The following MMP8 variants were observed in gnomAD, a reference collection of about 807,000 sequenced individuals.
The protein encoded by MMP8 is matrix metallopeptidase 8.
MMP8 carries 67 observed loss-of-function variants against 51.2 expected under a neutral mutation model. That is an observed-to-expected ratio of 1.31 (90% CI 1.08 to 1.60). The LOEUF (loss-of-function observed/expected upper bound fraction) is 1.60, where lower values mean the gene tolerates loss of function less well. Ranked by LOEUF, MMP8 falls within the 40% of genes most tolerant of loss-of-function variation. The pLI, the probability that MMP8 is intolerant of heterozygous loss-of-function variation, is 0.00. For missense variants in MMP8, 654 were observed against 558.1 expected (o/e 1.17, Z -1.73); for synonymous variants, 225 against 191.0 (o/e 1.18, Z -1.47).
intron 4 of MMP8, among the ~76,000 whole-genome samples, chr11:102,719,481 TAACAATA>T (rs1470340870): frequency 1.3e-5 from 2 of 150,072 alleles, no homozygotes; most frequent in East Asian, 3.8e-4. Context: ...GAAGTTTTAT[TAACAATA>T]TTTTTATAGT....
Position 102,713,753 on chromosome 11 carries a change from C to T in MMP8, c.1294+1G>A, listed in dbSNP as rs141116762. The T allele has an allele frequency of 1.1e-3, 1,756 of 1,593,014 alleles. 2 individuals are homozygous for T. The highest frequency in any genetic ancestry group is 1.4e-3 in the Non-Finnish European group (1,598 of 1,169,234). On this transcript the variant is annotated splice_donor_variant, in intron 9 of 9. Coordinates refer to ENST00000236826, the MANE Select transcript of MMP8 (RefSeq NM_002424.3). LOFTEE classifies it high-confidence loss of function. ...TTATTAGGTTTTTTTTTCCTACTTA[C>T]GTTCTTGCTGGAAAACTGCATCAAC...
At position 102,716,373 on chromosome 11, in the gene MMP8, T is replaced by A. The variant is rs1420639266; in HGVS notation, c.831A>T (p.Lys277Asn). The A allele has an allele frequency of 6.2e-7, 1 of 1,604,744 alleles. No individual in the cohort carries two copies. The change falls in exon 6 of 10, where the codon AAA becomes AAT. Residue 277 changes from lysine to asparagine, a missense_variant. Transcript: ENST00000236826. Reference sequence around the variant, plus strand: ...CAAATGTCAAACTGGGGTCACAGGGTTTGGGTGTGCTTGGTCCAGTAGGTT... The same window carrying A: ...CAAATGTCAAACTGGGGTCACAGGGATTGGGTGTGCTTGGTCCAGTAGGTT... ...PIQPTGPSTPKPCDPSLTFDA... is the reference protein window; with the variant it reads ...PIQPTGPSTPNPCDPSLTFDA...
chr11:102,721,149 C>A lies in MMP8; in HGVS notation c.622+252G>T, dbSNP rs34433762. On this transcript the variant is annotated intron_variant, in intron 4 of 9. Coordinates refer to ENST00000236826, the MANE Select transcript of MMP8 (RefSeq NM_002424.3). ...AGACAGGGGTCAGGCAGGATTTGGC[C>A]GTAGTCTGTATTTTCTGATCTCTGA... is the stretch of plus-strand genomic sequence containing the variant. 2.0e-5 allele frequency among the ~76,000 whole-genome samples: 3 copies of A among 151,944 alleles called. 1 individual carries two copies. The South Asian group carries it at 6.2e-4, about 31-fold the overall frequency.
chr11:102,712,558 C>T lies in MMP8; in HGVS notation c.*790G>A, dbSNP rs1861155930. On this transcript the variant is annotated 3_prime_UTR_variant, in exon 10 of 10. Coordinates refer to ENST00000236826, the MANE Select transcript of MMP8 (RefSeq NM_002424.3). ...TATTGGAGGGAATCCTTCCTTGCCT[C>T]TTCAAAGCTTCTACTGGTGGCTTAC... The T allele has an allele frequency of 6.6e-6, 1 of 152,214 alleles. No homozygotes were observed. The highest frequency in any genetic ancestry group is 2.4e-5 in the African/African-American group (1 of 41,428). The allele number at this position is 152,214 out of a possible 1,614,324, so 9.4% of individuals were successfully genotyped here. A position where few individuals can be genotyped will look rare whatever the true frequency, so the allele number is the denominator to read the frequency against.
At position 102,714,708 on chromosome 11, in the gene MMP8, G is replaced by A; in HGVS notation, c.1038C>T (p.Gly346=). The A allele has an allele frequency of 1.3e-6, 2 of 1,486,694 alleles. No individual in the cohort carries two copies. Among genetic ancestry groups the A allele is most frequent in the South Asian group, 2.9e-5 (2 of 68,860 alleles). 92.1% of individuals were successfully genotyped at this position (1,486,694 alleles called of 1,614,324 possible). A position where few individuals can be genotyped will look rare whatever the true frequency, so the allele number is the denominator to read the frequency against. The change falls in exon 8 of 10, where the codon GGC becomes GGT. Residue 346 remains glycine, a splice_region_variant and synonymous_variant. Coordinates refer to ENST00000236826, the MANE Select transcript of MMP8 (RefSeq NM_002424.3). ...AGCCACTCAGAGCCCAGTATTGGTTGCCTGTCAATGATTCAGGTTAAGTGT... is the reference window on the plus strand; with the variant it reads ...AGCCACTCAGAGCCCAGTATTGGTTACCTGTCAATGATTCAGGTTAAGTGT... ...FDRDLIFLFK[G]NQYWALSGYD...
intron 4 of MMP8, among the ~76,000 whole-genome samples, chr11:102,719,955 G>A (rs1315719692): frequency 6.6e-6 from 1 of 152,180 alleles, no homozygotes; most frequent in Admixed American, 6.5e-5. Flanking sequence ...ACATAGCATG[G>A]CAAGATGAGA....
intron 5 of MMP8, 40 bp from the exon 6 acceptor site, chr11:102,716,459 T>C: frequency 7.6e-7 from 1 of 1,316,774 alleles, no homozygotes; most frequent in Non-Finnish European, 1.1e-6. Flanking sequence ...GTCTTTCTTA[T>C]GAGAGTAAGT....
rs1370176873 is a variant in MMP8 at position 102,712,993 on chromosome 11, TTTTA to T, written c.*351_*354del. 5.4e-6 allele frequency: 1 copy of T among 186,398 alleles called. No individual in the cohort carries two copies. The allele number at this position is 186,398 out of a possible 1,614,324, so 11.5% of individuals were successfully genotyped here. ...GCATGTAGAAGATATACATAGGACATTTTAAGAAACTGAGGGATGTATGAAGTCA... is the reference window on the plus strand; with the variant it reads ...GCATGTAGAAGATATACATAGGACATAGAAACTGAGGGATGTATGAAGTCA... On this transcript the variant is annotated 3_prime_UTR_variant, in exon 10 of 10. Transcript: ENST00000236826.
In MMP8 at chr11:102,721,740, G is replaced by T. The variant is rs759927501; in HGVS notation, c.370C>A (p.Leu124Met). The T allele has an allele frequency of 1.2e-6, 2 of 1,613,736 alleles. No homozygotes were observed. Among genetic ancestry groups the T allele is most frequent in the Non-Finnish European group, 1.7e-6 (2 of 1,179,774 alleles). ...TYRIRNYTPQLSEAEVERAIK... is the reference protein window; with the variant it reads ...TYRIRNYTPQMSEAEVERAIK... Reference sequence around the variant, plus strand: ...GCTCTTTCTACCTCAGCCTCTGACAGCTGTGGGGTATAGTTTCGAATCCTT... The same window carrying T: ...GCTCTTTCTACCTCAGCCTCTGACATCTGTGGGGTATAGTTTCGAATCCTT... The change falls in exon 3 of 10, where the codon CTG becomes ATG. Residue 124 changes from leucine to methionine, a missense_variant. Leu to Met is a conservative substitution (Grantham distance 15). Coordinates refer to ENST00000236826, the MANE Select transcript of MMP8 (RefSeq NM_002424.3).
intron 8 of MMP8, 127 bp downstream of exon 8, chr11:102,714,429 A>G (rs1861218904): frequency 5.3e-6 from 3 of 565,666 alleles, no homozygotes; most frequent in African/African-American, 3.9e-5. Context: ...GTAAAAAAGA[A>G]TATATTCTCG....
chr11:102,719,107 C>T (rs1264332025), intron 4 of MMP8, among the ~76,000 whole-genome samples: 1 of 152,210 alleles, frequency 6.6e-6, no homozygotes, highest in Non-Finnish European at 1.5e-5. Flanking sequence ...CTAAGATGCT[C>T]TAGGAATTCT....
At chr11:102,721,828 G>A in intron 2 of MMP8, 66 bp from the exon 3 acceptor site, 1 of 1,561,036 alleles carries the variant, frequency 6.4e-7, no homozygotes, top group South Asian at 1.2e-5. Flanking sequence ...CAACTGATGA[G>A]TTGTTCTGTT....
In MMP8 at chr11:102,722,452, C is replaced by T. The variant is rs75576745; in HGVS notation, c.324G>A (p.Trp108Ter). Residue 108 changes from tryptophan (W) to a stop codon, truncating the protein, a stop_gained, in exon 2 of 10, where the codon TGG (tryptophan) becomes TGA (stop). Coordinates refer to ENST00000236826, the MANE Select transcript of MMP8 (RefSeq NM_002424.3). LOFTEE classifies it high-confidence loss of function. ...GFMLTPGNPK[W>*]ERTNLTYRIR... is the part of the protein sequence containing the mutation. ...ACCTGTAGGTCAAGTTAGTGCGTTC[C>T]CACTTGGGGTTTCCTGGGGTTAACA... 1.2e-6 allele frequency: 2 copies of T among 1,613,604 alleles called. No individual in the cohort carries two copies. The highest frequency in any genetic ancestry group is 8.5e-7 in the Non-Finnish European group (1 of 1,179,772).
intron 6 of MMP8, among the ~76,000 whole-genome samples, 159 bp downstream of exon 6, chr11:102,716,143 T>G (rs1861285374): frequency 6.6e-6 from 1 of 152,114 alleles, no homozygotes; most frequent in Non-Finnish European, 1.5e-5. Flanking sequence ...CAGGGGGCTA[T>G]GATAATCCTA....
chr11:102,711,947 A>T lies in MMP8; in HGVS notation c.*1401T>A, dbSNP rs1223120817. On this transcript the variant is annotated 3_prime_UTR_variant, in exon 10 of 10. Transcript: ENST00000236826. ...GGTACTAGTGAGAAATATATTTTAC[A>T]GTCTACATATTTATTGTATAATAAG... 3 of 152,220 alleles carry T rather than the reference A, an allele frequency of 2.0e-5. No homozygotes were observed. The highest frequency in any genetic ancestry group is 1.3e-4 in the Admixed American group (2 of 15,282). 9.4% of individuals were successfully genotyped at this position (152,220 alleles called of 1,614,324 possible). A position where few individuals can be genotyped will look rare whatever the true frequency, so the allele number is the denominator to read the frequency against.
chr11:102,723,361 A>G (rs1861530281), intron 1 of MMP8: 1 of 365,236 alleles, frequency 2.7e-6, no homozygotes, highest in Non-Finnish European at 5.4e-6. Flanking sequence ...ACCTAACTAG[A>G]CCTCATGCTG....
At position 102,724,789 on chromosome 11, in the gene MMP8, C is replaced by G. The variant is rs1331555500; in HGVS notation, c.67G>C (p.Val23Leu). The G allele has an allele frequency of 6.2e-7, 1 of 1,605,918 alleles. No homozygotes were observed. The highest frequency in any genetic ancestry group is 1.7e-5 in the Admixed American group (1 of 59,422). Reference protein sequence around the residue: ...LHVQISKAFPVSSKEKNTKTV... With the variant: ...LHVQISKAFPLSSKEKNTKTV... ...TTTGTATTTTTCTCTTTAGAAGATA[C>G]AGGAAAGGCCTTGGAAATCTGCACA... The change falls in exon 1 of 10, where the codon GTA (valine) becomes CTA (leucine). Residue 23 changes from valine to leucine, a missense_variant. Val to Leu is a conservative substitution (Grantham distance 32). Transcript: ENST00000236826.
At chr11:102,723,127 G>T in intron 1 of MMP8, 2 of 1,083,420 alleles carry the variant, frequency 1.8e-6, no homozygotes, top group Non-Finnish European at 2.5e-6. Flanking sequence ...TCCAAGTGAT[G>T]ATTCAGATTT....
Position 102,713,752 on chromosome 11 carries a change from A to G in MMP8, c.1294+2T>C, listed in dbSNP as rs1378688259. On this transcript the variant is annotated splice_donor_variant, in intron 9 of 9. Coordinates refer to ENST00000236826, the MANE Select transcript of MMP8 (RefSeq NM_002424.3). LOFTEE classifies it high-confidence loss of function. ...TTTATTAGGTTTTTTTTTCCTACTT[A>G]CGTTCTTGCTGGAAAACTGCATCAA... 6.3e-7 allele frequency: 1 copy of G among 1,590,480 alleles called. No individual in the cohort carries two copies. The highest frequency in any genetic ancestry group is 8.6e-7 in the Non-Finnish European group (1 of 1,167,826).
Sources: gnomAD v4.1 joint callset for allele counts (sites outside exome capture counted in the v4.1 genomes callset) on GRCh38, gnomAD v4.1.1 for gene constraint, MANE v1.5 for transcripts, NCBI Gene and HGNC (gene_info 2026-07-23, HGNC 2026-07-21) for gene names.